CHODL: variants seen among roughly 807,000 people sequenced by gnomAD.
CHODL encodes the protein transmembrane protein MT75.
In CHODL, 29 loss-of-function variants were observed where a neutral mutation model predicts 34.5. The observed-to-expected ratio is 0.84, with a 90% confidence interval of 0.63 to 1.15. The LOEUF (loss-of-function observed/expected upper bound fraction) is 1.15. Among genes scored for constraint, CHODL ranks in the 50% most tolerant of loss-of-function variants. The probability of loss-of-function intolerance (pLI) is 0.00; values close to 1 mark genes in which losing one functional copy is unlikely to be tolerated. For missense variants in CHODL, 332 were observed against 332.5 expected (o/e 1.00, Z 0.01); for synonymous variants, 125 against 116.1 (o/e 1.08, Z -0.49).
intron 2 of CHODL, among the ~76,000 whole-genome samples, chr21:18,050,424 T>C (rs918712529): frequency 2.0e-5 from 3 of 152,010 alleles, no homozygotes; most frequent in Non-Finnish European, 4.4e-5. Flanking sequence ...TGCTGTGCTG[T>C]AGCTTGGAAG....
chr21:18,245,336 G>T (rs1311145275), intron 1 of CHODL, 34 bp downstream of exon 1: 1 of 1,480,988 alleles, frequency 6.8e-7, no homozygotes, highest in South Asian at 1.3e-5. Flanking sequence ...AAGAACGAGC[G>T]GGGAGAGGGG....
intron 2 of CHODL, among the ~76,000 whole-genome samples, chr21:18,069,053 G>A (rs947627550): frequency 1.3e-5 from 2 of 152,010 alleles, no homozygotes; most frequent in African/African-American, 4.8e-5. Flanking sequence ...GGAACCTTGA[G>A]GTTAGAGTAA....
At chr21:18,100,089 TAAAAA>T (rs1006950050) in intron 2 of CHODL, 1 of 151,754 alleles carries the variant, frequency 6.6e-6, no homozygotes, top group African/African-American at 2.4e-5. Flanking sequence ...CAAATAAAAA[TAAAAA>T]TAAATAAGTT....
chr21:18,039,156 A>G (rs2064345453), intron 2 of CHODL, among the ~76,000 whole-genome samples: 1 of 151,686 alleles, frequency 6.6e-6, no homozygotes, highest in South Asian at 2.1e-4. Flanking sequence ...TGCTGCCTCA[A>G]TGTCAAGTCT....
intron 1 of CHODL, among the ~76,000 whole-genome samples, chr21:17,925,456 A>G (rs2063215267): frequency 6.6e-6 from 1 of 152,214 alleles, no homozygotes; most frequent in South Asian, 2.1e-4. Context: ...TCAGAGGGCA[A>G]ATAGGAAAGA....
At chr21:17,964,619 TC>T (rs1235638823) in intron 1 of CHODL, among the ~76,000 whole-genome samples, 2 of 152,248 alleles carry the variant, frequency 1.3e-5, no homozygotes, top group African/African-American at 4.8e-5. Flanking sequence ...AATCTTTGTT[TC>T]TAACAGGTTA....
At position 18,245,981 on chromosome 21, in the gene CHODL, A is replaced by G. The variant is rs76025562; in HGVS notation, c.79+679A>G. On this transcript the variant is annotated intron_variant, in intron 1 of 5. Transcript: ENST00000299295. ...AGGTTCGGCACACAGTAGGTGCACA[A>G]TTAAGTCGGTCGAGTCAGTGCATGG... 12,388 of 1,510,488 alleles carry G rather than the reference A, an allele frequency of 8.2e-3. 848 individuals are homozygous for G. The African/African-American group carries it at 0.15, about 18-fold the overall frequency. The allele number at this position is 1,510,488 out of a possible 1,614,324, so 93.6% of individuals were successfully genotyped here.
intron 1 of CHODL, among the ~76,000 whole-genome samples, chr21:18,011,030 T>C (rs2064014374): frequency 6.6e-6 from 1 of 152,196 alleles, no homozygotes; most frequent in African/African-American, 2.4e-5. Flanking sequence ...TGAAGTTGGT[T>C]GAATTTTTTG....
chr21:17,963,119 A>C (rs149275955), intron 1 of CHODL, among the ~76,000 whole-genome samples: 2 of 152,204 alleles, frequency 1.3e-5, no homozygotes, highest in East Asian at 3.9e-4. Flanking sequence ...AAAGATAGTC[A>C]AGTAATTCTT....
intron 1 of CHODL, among the ~76,000 whole-genome samples, chr21:17,991,658 A>ATTTTTTT (rs35600353): frequency 7.8e-6 from 1 of 128,406 alleles, no homozygotes; most frequent in African/African-American, 2.9e-5. Flanking sequence ...AGATTATTTG[A>ATTTTTTT]TTTTTTTTTT....
chr21:18,190,720 G>A lies in CHODL; in HGVS notation c.-44-65789G>A, dbSNP rs975654249. On this transcript the variant is annotated intron_variant, in intron 2 of 6. Transcript: ENST00000400127. ...GTGGTTTGATATGTCATCATATCAC[G>A]TAAGGCTGAAGAGATTTTGTATAGC... 7.9e-5 allele frequency among the ~76,000 whole-genome samples: 12 copies of A among 152,292 alleles called. 1 individual carries two copies. Among genetic ancestry groups the A allele is most frequent in the African/African-American group, 2.6e-4 (11 of 41,548 alleles).
Position 18,256,988 on chromosome 21 carries a change from A to C in CHODL, c.408A>C (p.Glu136Asp), listed in dbSNP as rs778235093. Residue 136 changes from glutamate to aspartate, a missense_variant, in exon 3 of 6, where the codon GAA (glutamate) becomes GAC (aspartate). Transcript: ENST00000299295. ...TTTGCAGAAACTGGTACACAGATGA[A>C]CCTTCCTGCGGAAGTGAAAAGTGTG... is the stretch of plus-strand genomic sequence containing the variant. ...NSQYRNWYTD[E>D]PSCGSEKCVV... The C allele has an allele frequency of 2.3e-5, 37 of 1,613,288 alleles. No individual in the cohort carries two copies. The highest frequency in any genetic ancestry group is 3.1e-5 in the Non-Finnish European group (37 of 1,179,650).
At chr21:18,241,821 A>G (rs1172228475), upstream of CHODL, among the ~76,000 whole-genome samples, 1 of 152,128 alleles carries the variant, frequency 6.6e-6, no homozygotes, top group East Asian at 1.9e-4. Context: ...GTGTTTCTCT[A>G]TTGATGTTTC....
chr21:18,251,664 A>T (rs1446081375), intron 1 of CHODL, among the ~76,000 whole-genome samples: 1 of 125,092 alleles, frequency 8.0e-6, no homozygotes, highest in African/African-American at 3.5e-5. Context: ...TATTTATTTT[A>T]TTTATTTATT....
At chr21:18,036,547 ACT>A (rs2064313423) in intron 2 of CHODL, among the ~76,000 whole-genome samples, 1 of 151,492 alleles carries the variant, frequency 6.6e-6, no homozygotes, top group Non-Finnish European at 1.5e-5. Context: ...TGGCCTGGAA[ACT>A]CTGCCTAGGC....
intron 2 of CHODL, among the ~76,000 whole-genome samples, chr21:18,161,183 T>C (rs1312289597): frequency 6.6e-6 from 1 of 151,850 alleles, no homozygotes; most frequent in Admixed American, 6.6e-5. Context: ...GTTTGTGGGA[T>C]TTTTTTGGTA....
intron 2 of CHODL, among the ~76,000 whole-genome samples, chr21:18,162,291 C>T (rs994646852): frequency 4.0e-5 from 6 of 151,648 alleles, no homozygotes; most frequent in South Asian, 2.1e-4. Context: ...TTCTGAGGGC[C>T]GTGAGGAAGA....
intron 1 of CHODL, among the ~76,000 whole-genome samples, chr21:18,251,289 T>C (rs2074232973): frequency 6.7e-6 from 1 of 150,246 alleles, no homozygotes; most frequent in South Asian, 2.1e-4. Flanking sequence ...TTAATAATAA[T>C]AACTTTCTCT....
At chr21:17,921,043 T>G (rs2063179799) in intron 1 of CHODL, among the ~76,000 whole-genome samples, 1 of 152,138 alleles carries the variant, frequency 6.6e-6, no homozygotes, top group Non-Finnish European at 1.5e-5. Context: ...TAGTCTGGAC[T>G]CACAAGAGAA....
Sources: allele counts gnomAD v4.1 joint callset (sites outside exome capture counted in the v4.1 genomes callset), GRCh38; gene constraint gnomAD v4.1.1; transcripts MANE v1.5; gene names NCBI Gene and HGNC (gene_info 2026-07-23, HGNC 2026-07-21).